Variants in SEPTIN9 observed in about 807,000 individuals in gnomAD.
SEPTIN9 encodes septin-9.
Under a neutral mutation model 56.6 loss-of-function variants are expected in SEPTIN9, and 13 were observed. That is an observed-to-expected ratio of 0.23 (90% CI 0.15 to 0.37). SEPTIN9 has a LOEUF of 0.37. Among genes scored for constraint, SEPTIN9 ranks in the 10% least tolerant of loss-of-function variants. The pLI, the probability that SEPTIN9 is intolerant of heterozygous loss-of-function variation, is 1.00. For missense variants in SEPTIN9, 650 were observed against 823.1 expected, an observed-to-expected ratio of 0.79 and a Z score of 2.57; for synonymous variants, 332 against 334.1, an observed-to-expected ratio of 0.99 and a Z score of 0.07.
chr17:77,361,546 T>C (rs2143853111), intron 2 of SEPTIN9, among the ~76,000 whole-genome samples: 1 of 151,930 alleles, frequency 6.6e-6, no homozygotes, highest in South Asian at 2.1e-4. Context: ...CCTGAGATTT[T>C]AGGTCCCCAA....
intron 3 of SEPTIN9, among the ~76,000 whole-genome samples, chr17:77,411,397 C>CTTTTTTTTTTTTT: frequency 7.0e-6 from 1 of 142,174 alleles, no homozygotes; most frequent in Non-Finnish European, 1.5e-5. Context: ...TTTTCTTTTT[C>CTTTTTTTTTTTTT]TTTTTTTTTT....
chr17:77,450,512 C>A lies in SEPTIN9; in HGVS notation c.722-31632C>A. On this transcript the variant is annotated intron_variant, in intron 3 of 11. Transcript: ENST00000427177. The surrounding 1 kb of genome is among the most constrained non-coding windows in gnomAD (Gnocchi z 6.0). ...CTCTCCTAGTGTGGGAGTGGCCACG[C>A]CCCTGCTGGGAGTGACTCACTTGGG... The A allele has an allele frequency of 1.0e-6, 1 of 985,484 alleles. No homozygotes were observed. Among genetic ancestry groups the A allele is most frequent in the Non-Finnish European group, 1.2e-6 (1 of 829,984 alleles). The allele number at this position is 985,484 out of a possible 1,614,324, so 61.0% of individuals were successfully genotyped here.
intron 2 of SEPTIN9, among the ~76,000 whole-genome samples, chr17:77,345,546 T>C (rs1411428036): frequency 1.3e-5 from 2 of 152,084 alleles, no homozygotes; most frequent in African/African-American, 4.8e-5. Flanking sequence ...GCTTACTGGG[T>C]AGCCGAGAAA....
chr17:77,293,044 TCTCA>T (rs1359879026), intron 1 of SEPTIN9, among the ~76,000 whole-genome samples: 1 of 151,880 alleles, frequency 6.6e-6, no homozygotes, highest in Non-Finnish European at 1.5e-5. Context: ...CAAGACAAGG[TCTCA>T]CTCTGTCACG....
chr17:77,415,116 A>T (rs1347825141), intron 3 of SEPTIN9, among the ~76,000 whole-genome samples: 1 of 151,910 alleles, frequency 6.6e-6, no homozygotes, highest in African/African-American at 2.4e-5. Flanking sequence ...TAAAAAAAAA[A>T]TGCTGGTCAC....
At chr17:77,424,817 C>G (rs906835478) in intron 3 of SEPTIN9, among the ~76,000 whole-genome samples, 4 of 152,194 alleles carry the variant, frequency 2.6e-5, no homozygotes, top group African/African-American at 9.7e-5. Context: ...GTAAGCCATG[C>G]TGACTGGCGG....
chr17:77,463,724 T>C lies in SEPTIN9; in HGVS notation c.722-18420T>C, dbSNP rs150471691. ...CAGGCGTGGTGGTAGGCACCTGTAA[T>C]CCCAGCTACTTGGGAGGCCGAGGCC... On this transcript the variant is annotated intron_variant, in intron 3 of 11. Coordinates refer to ENST00000427177, the MANE Select transcript of SEPTIN9 (RefSeq NM_001113491.2). Among the ~76,000 whole-genome samples, 1,039 of 152,042 alleles carry C rather than the reference T, an allele frequency of 6.8e-3. 83 individuals carry two copies. The East Asian group carries it at 0.17, about 25-fold the overall frequency.
chr17:77,490,821 A>G lies in SEPTIN9; in HGVS notation c.1342A>G (p.Thr448Ala). 1 of 1,593,974 alleles carries G rather than the reference A, an allele frequency of 6.3e-7. No homozygotes were observed. The highest frequency in any genetic ancestry group is 8.5e-7 in the Non-Finnish European group (1 of 1,170,056). ...NIVPVIAKAD[T>A]LTLEERVHFK... is the part of the protein sequence containing the mutation. ...CGTCCCTGTCATCGCCAAGGCGGACACACTCACCCTGGAGGAGAGGGTCCA... is the reference window on the plus strand; with the variant it reads ...CGTCCCTGTCATCGCCAAGGCGGACGCACTCACCCTGGAGGAGAGGGTCCA... Residue 448 changes from threonine (T) to alanine (A), a missense_variant, in exon 8 of 12, where the codon ACA (threonine) becomes GCA (alanine). This residue lies in a region of SEPTIN9 where 333 missense variants were observed against 494.0 expected (regional missense o/e 0.67). Transcript: ENST00000427177.
In SEPTIN9 at chr17:77,326,092, G is replaced by A. The variant is rs970172172; in HGVS notation, c.76+18895G>A. On this transcript the variant is annotated intron_variant, in intron 2 of 11. Transcript: ENST00000427177. The surrounding 1 kb of genome is among the most constrained non-coding windows in gnomAD (Gnocchi z 5.1). ...TACAGCACCCCACACCCACCTCCCC[G>A]CCTCCTACCCCTTCTTCCAAGGGGT... is the stretch of plus-strand genomic sequence containing the variant. Among the ~76,000 whole-genome samples, 3 of 149,052 alleles carry A rather than the reference G, an allele frequency of 2.0e-5. No homozygotes were observed. The highest frequency in any genetic ancestry group is 2.1e-4 in the South Asian group (1 of 4,738).
In SEPTIN9 at chr17:77,475,306, C is replaced by T; in HGVS notation, c.722-6838C>T. 1 of 1,422,790 alleles carries T rather than the reference C, an allele frequency of 7.0e-7. No homozygotes were observed. The highest frequency in any genetic ancestry group is 9.1e-7 in the Non-Finnish European group (1 of 1,093,380). The allele number at this position is 1,422,790 out of a possible 1,614,324, so 88.1% of individuals were successfully genotyped here. On this transcript the variant is annotated intron_variant, in intron 3 of 11. Transcript: ENST00000427177. The surrounding 1 kb of genome is among the most constrained non-coding windows in gnomAD (Gnocchi z 4.6). ...AGGCTCTGTGTGGGAGCGGGGAGGG[C>T]AAGCCCTGGTTGCGAGGCAGGGCTT...
chr17:77,324,312 G>A (rs1310193390), intron 2 of SEPTIN9, among the ~76,000 whole-genome samples: 2 of 152,166 alleles, frequency 1.3e-5, no homozygotes, highest in East Asian at 3.8e-4. Context: ...AAATTTTAGG[G>A]GCCACCTTTC....
chr17:77,346,087 G>C (rs1168942799), intron 2 of SEPTIN9, among the ~76,000 whole-genome samples: 2 of 151,328 alleles, frequency 1.3e-5, no homozygotes, highest in African/African-American at 4.9e-5. Context: ...AGTAGCTGGA[G>C]ATGCCCACCA....
rs1046431028 is a variant in SEPTIN9 at position 77,313,726 on chromosome 17, CT to C, written c.76+6539del. 3.3e-5 allele frequency among the ~76,000 whole-genome samples: 5 copies of C among 149,366 alleles called. No homozygotes were observed. In the East Asian group the frequency reaches 5.9e-4, roughly 18 times the overall value. On this transcript the variant is annotated intron_variant, in intron 2 of 11. Coordinates refer to ENST00000427177, the MANE Select transcript of SEPTIN9 (RefSeq NM_001113491.2). This position sits in a 1 kb window ranked among gnomAD's most constrained non-coding sequence, Gnocchi z 4.5. ...ATGAGCAGGAAATGAATGGAAAAGT[CT>C]TTTTTTTTTCTTTTTTCTTTCTAGG...
rs1470943199 is a variant in SEPTIN9 at position 77,429,158 on chromosome 17, A to C, written c.721+26455A>C. The C allele has an allele frequency of 2.1e-6, 1 of 472,046 alleles. No individual in the cohort carries two copies. Among genetic ancestry groups the C allele is most frequent in the South Asian group, 1.5e-5 (1 of 64,620 alleles). 29.2% of individuals were successfully genotyped at this position (472,046 alleles called of 1,614,324 possible). Reference sequence around the variant, plus strand: ...GGTGGGGACTTGGGGGTGTGTCTGCAGCTCCTGAGGCCAAGACCAAGGCTG... The same window carrying C: ...GGTGGGGACTTGGGGGTGTGTCTGCCGCTCCTGAGGCCAAGACCAAGGCTG... On this transcript the variant is annotated intron_variant, in intron 3 of 11. Coordinates refer to ENST00000427177, the MANE Select transcript of SEPTIN9 (RefSeq NM_001113491.2). The surrounding 1 kb of genome is among the most constrained non-coding windows in gnomAD (Gnocchi z 5.2).
In SEPTIN9 at chr17:77,400,052, C is replaced by T. The variant is rs1165303451; in HGVS notation, c.77-2007C>T. The stretch of plus-strand genomic sequence containing the variant: ...TGAGTGCAGTGACACGATCTCAGCT[C>T]TGCAACCTCTGCCTCCCGGGTTCAA... On this transcript the variant is annotated intron_variant, in intron 2 of 11. Transcript: ENST00000427177. The surrounding 1 kb of genome is among the most constrained non-coding windows in gnomAD (Gnocchi z 4.1). Among the ~76,000 whole-genome samples, 4 of 152,294 alleles carry T rather than the reference C, an allele frequency of 2.6e-5. No homozygotes were observed. Among genetic ancestry groups the T allele is most frequent in the African/African-American group, 9.6e-5 (4 of 41,552 alleles).
chr17:77,283,512 A>AC (rs1367193978), intron 1 of SEPTIN9, among the ~76,000 whole-genome samples: 1 of 43,118 alleles, frequency 2.3e-5, no homozygotes, highest in Non-Finnish European at 7.0e-5. Flanking sequence ...AGTCAGGCTG[A>AC]CCCCCCAACA....
chr17:77,488,706 T>G (rs777279991), intron 6 of SEPTIN9, 21 bp from the exon 7 acceptor site: 2 of 1,613,328 alleles, frequency 1.2e-6, no homozygotes, highest in South Asian at 2.2e-5. Context: ...GCCTGCTGAC[T>G]CGTCCCCATC....
chr17:77,459,448 G>A (rs1432001896), intron 3 of SEPTIN9, among the ~76,000 whole-genome samples: 1 of 152,214 alleles, frequency 6.6e-6, no homozygotes, highest in African/African-American at 2.4e-5. Context: ...TGAGGACCTC[G>A]CAGTTGCCAT....
At position 77,402,968 on chromosome 17, in the gene SEPTIN9, T is replaced by A. The variant is rs991713833; in HGVS notation, c.721+265T>A. ...TTTCTGGGTTTCAAGGAGCCTCCTTTATGGGTCACCGTGGGCCTTGCTGGG... is the reference window on the plus strand; with the variant it reads ...TTTCTGGGTTTCAAGGAGCCTCCTTAATGGGTCACCGTGGGCCTTGCTGGG... On this transcript the variant is annotated intron_variant, in intron 3 of 11. Coordinates refer to ENST00000427177, the MANE Select transcript of SEPTIN9 (RefSeq NM_001113491.2). The surrounding 1 kb of genome is among the most constrained non-coding windows in gnomAD (Gnocchi z 6.6). Among the ~76,000 whole-genome samples the A allele has an allele frequency of 2.0e-5, 3 of 152,128 alleles. No homozygotes were observed. The highest frequency in any genetic ancestry group is 7.2e-5 in the African/African-American group (3 of 41,422).
Sources: allele counts gnomAD v4.1 joint callset (sites outside exome capture counted in the v4.1 genomes callset), GRCh38; gene constraint gnomAD v4.1.1; regional missense constraint gnomAD v4.1.1; non-coding constraint Gnocchi (gnomAD v3.1); transcripts MANE v1.5; gene names NCBI Gene and HGNC (gene_info 2026-07-23, HGNC 2026-07-21).